Variants in SYN2 observed in about 807,000 individuals in gnomAD.
The protein encoded by SYN2 is synapsin II, also known as synapsin-2.
In SYN2, 19 loss-of-function variants were observed where a neutral mutation model predicts 50.9. The observed-to-expected ratio is 0.37, with a 90% CI of 0.26 to 0.55. SYN2 has a LOEUF of 0.55. SYN2 is among the 20% of genes least tolerant of loss of function. SYN2 has a pLI of 0.81. For synonymous variants in SYN2, 255 were observed against 224.9 expected (o/e 1.13, Z -1.20); for missense variants, 587 against 576.4 (o/e 1.02, Z -0.19).
chr3:12,031,451 CGTT>C (rs1474460168), intron 1 of SYN2, among the ~76,000 whole-genome samples: 44 of 12,776 alleles, frequency 3.4e-3, no homozygotes, highest in African/African-American at 6.6e-3. Flanking sequence ...CTTTCTGTCT[CGTT>C]GATCTGTCTA....
intron 1 of SYN2, 127 bp downstream of exon 1, chr3:12,005,055 C>T: frequency 2.6e-6 from 1 of 385,068 alleles, no homozygotes; most frequent in South Asian, 9.8e-5. Context: ...CGAGGTCCCG[C>T]TGGGAGGAGG....
intron 1 of SYN2, among the ~76,000 whole-genome samples, chr3:12,015,104 T>C (rs1247345454): frequency 6.6e-6 from 1 of 152,216 alleles, no homozygotes; most frequent in Non-Finnish European, 1.5e-5. Context: ...GCCGTGCCCC[T>C]GTGTCTTTAT....
chr3:12,047,702 G>T (rs1172873721), intron 1 of SYN2, among the ~76,000 whole-genome samples: 4 of 151,974 alleles, frequency 2.6e-5, no homozygotes, highest in Admixed American at 2.6e-4. Context: ...TGATGGATTG[G>T]GGACAGTGAT....
chr3:12,064,530 A>G (rs890841271), intron 1 of SYN2, among the ~76,000 whole-genome samples: 4 of 152,114 alleles, frequency 2.6e-5, no homozygotes, highest in Non-Finnish European at 5.9e-5. Flanking sequence ...CTTATAATTC[A>G]ACAATAAAGA....
intron 3 of SYN2, among the ~76,000 whole-genome samples, chr3:12,145,008 G>A (rs77784652): frequency 6.6e-6 from 1 of 152,068 alleles, no homozygotes; most frequent in Non-Finnish European, 1.5e-5. Flanking sequence ...TCTAGCCTGG[G>A]CAACGGAGCA....
intron 1 of SYN2, among the ~76,000 whole-genome samples, chr3:12,057,311 GTGTGTGTGTGTGTA>G (rs1431161974): frequency 1.3e-5 from 2 of 151,612 alleles, no homozygotes; most frequent in Non-Finnish European, 2.9e-5. Flanking sequence ...GTGTGTGTGT[GTGTGTGTGTGTGTA>G]TACTTTTTGA....
At chr3:12,050,902 C>T (rs1694846953) in intron 1 of SYN2, among the ~76,000 whole-genome samples, 1 of 150,072 alleles carries the variant, frequency 6.7e-6, no homozygotes, top group Admixed American at 6.6e-5. Context: ...CGCCCGGCTA[C>T]TTTTTTGTAT....
chr3:12,106,138 C>T (rs578237703), intron 1 of SYN2, among the ~76,000 whole-genome samples: 2 of 152,234 alleles, frequency 1.3e-5, no homozygotes, highest in Admixed American at 6.5e-5. Flanking sequence ...TCCCTGTTTC[C>T]GTGATAGCTT....
intron 1 of SYN2, among the ~76,000 whole-genome samples, chr3:12,049,509 A>G (rs1694809251): frequency 7.8e-6 from 1 of 127,836 alleles, no homozygotes; most frequent in Admixed American, 8.7e-5. Context: ...ACAGAGTGAG[A>G]CTCCGTCTCA....
At chr3:12,150,636 C>T (rs554406303) in intron 4 of SYN2, among the ~76,000 whole-genome samples, 3 of 152,304 alleles carry the variant, frequency 2.0e-5, no homozygotes, top group East Asian at 3.9e-4. Context: ...TTCAGTCCCT[C>T]GTTAGGTAGT....
intron 1 of SYN2, among the ~76,000 whole-genome samples, chr3:12,040,440 T>C (rs945646059): frequency 6.7e-6 from 1 of 149,084 alleles, no homozygotes; most frequent in Non-Finnish European, 1.5e-5. Flanking sequence ...CTTTTTTTTT[T>C]TTTTTTTTTT....
At chr3:12,161,979 C>T (rs1697659617) in intron 6 of SYN2, 33 bp from the exon 7 acceptor site, 2 of 1,612,422 alleles carry the variant, frequency 1.2e-6, no homozygotes, top group Non-Finnish European at 1.7e-6. Flanking sequence ...TGTGTGTCTC[C>T]CTTTCCCCCT....
chr3:12,145,792 A>G lies in SYN2; in HGVS notation c.641A>G (p.Asn214Ser). 1 of 1,613,914 alleles carries G rather than the reference A, an allele frequency of 6.2e-7. No individual in the cohort carries two copies. The highest frequency in any genetic ancestry group is 8.5e-7 in the Non-Finnish European group (1 of 1,179,858). The stretch of plus-strand genomic sequence containing the variant: ...CAGTATGCAGGCCTCCCCAGCATCA[A>G]CTCACTGGAATCCATATACAACTTC... The part of the protein sequence containing the change: ...GMQYAGLPSI[N>S]SLESIYNFCD... Residue 214 changes from asparagine to serine, a missense_variant, in exon 4 of 13, where the codon AAC becomes AGC. Coordinates refer to ENST00000621198, the MANE Select transcript of SYN2 (RefSeq NM_133625.6).
At chr3:12,125,054 G>A (rs368921035) in intron 1 of SYN2, among the ~76,000 whole-genome samples, 10 of 150,984 alleles carry the variant, frequency 6.6e-5, no homozygotes, top group African/African-American at 4.9e-5. Context: ...TCACCCTGTC[G>A]CCCAGGCTGG....
chr3:12,112,107 A>T (rs1048936318), intron 1 of SYN2, among the ~76,000 whole-genome samples: 2 of 152,172 alleles, frequency 1.3e-5, no homozygotes, highest in Non-Finnish European at 2.9e-5. Context: ...ACTGAAAAAC[A>T]TGAGTGTGGT....
intron 1 of SYN2, among the ~76,000 whole-genome samples, chr3:12,088,038 G>A (rs988937720): frequency 3.3e-5 from 5 of 151,972 alleles, no homozygotes; most frequent in African/African-American, 4.8e-5. Context: ...CCCCAGAAGC[G>A]CAGGCAACAA....
At chr3:12,084,778 A>G (rs1695656262) in intron 1 of SYN2, among the ~76,000 whole-genome samples, 1 of 152,206 alleles carries the variant, frequency 6.6e-6, no homozygotes, top group South Asian at 2.1e-4. Context: ...AAGGAGTAAA[A>G]GTTTAGAGTT....
At chr3:12,128,877 C>G (rs1452795635) in intron 1 of SYN2, among the ~76,000 whole-genome samples, 9 of 152,186 alleles carry the variant, frequency 5.9e-5, no homozygotes, top group African/African-American at 2.2e-4. Flanking sequence ...TTCTCATTTA[C>G]TCATTCAACA....
intron 1 of SYN2, among the ~76,000 whole-genome samples, chr3:12,097,964 C>T (rs769044551): frequency 7.9e-5 from 12 of 151,810 alleles, no homozygotes; most frequent in Non-Finnish European, 1.2e-4. Flanking sequence ...TGTAACAAAC[C>T]GGCATGTTGT....
Sources: allele counts gnomAD v4.1 joint callset (sites outside exome capture counted in the v4.1 genomes callset), GRCh38; gene constraint gnomAD v4.1.1; transcripts MANE v1.5; gene names NCBI Gene and HGNC (gene_info 2026-07-23, HGNC 2026-07-21).